The following SMAD1 variants were observed in gnomAD, a reference collection of about 807,000 sequenced individuals.
The protein encoded by SMAD1 is SMAD family member 1, also known as MAD, mothers against decapentaplegic homolog 1.
In SMAD1, 6 loss-of-function variants were observed where a neutral mutation model predicts 41.6. The ratio of observed to expected loss-of-function variants is 0.14; its 90% CI spans 0.08 to 0.28. SMAD1 has a LOEUF of 0.28. Ranked by LOEUF, SMAD1 falls within the 10% of genes least tolerant of loss-of-function variation. SMAD1 has a pLI of 1.00. For synonymous variants in SMAD1, 206 were observed against 203.2 expected, an observed-to-expected ratio of 1.01 and a Z score of -0.12; for missense variants, 379 against 582.6, an observed-to-expected ratio of 0.65 and a Z score of 3.60.
chr4:145,539,038 A>G (rs1731776455), intron 2 of SMAD1, among the ~76,000 whole-genome samples: 2 of 152,226 alleles, frequency 1.3e-5, no homozygotes, highest in African/African-American at 4.8e-5. Flanking sequence ...GCTTCTCAAC[A>G]GGTGCCTACC....
intron 1 of SMAD1, among the ~76,000 whole-genome samples, chr4:145,496,173 A>G (rs1408730011): frequency 1.3e-5 from 2 of 152,106 alleles, no homozygotes; most frequent in South Asian, 2.1e-4. Flanking sequence ...AAGCAATAGC[A>G]AAAACAAGAA....
intron 5 of SMAD1, among the ~76,000 whole-genome samples, chr4:145,547,223 T>C (rs1296980982): frequency 6.6e-6 from 1 of 152,230 alleles, no homozygotes; most frequent in Non-Finnish European, 1.5e-5. Flanking sequence ...ATAAAATGAA[T>C]CACAACCTAA....
At chr4:145,509,757 C>T (rs1729977915) in intron 1 of SMAD1, among the ~76,000 whole-genome samples, 1 of 152,096 alleles carries the variant, frequency 6.6e-6, no homozygotes, top group Non-Finnish European at 1.5e-5. Flanking sequence ...TTGATAATAG[C>T]ATAGTTTTGT....
chr4:145,528,913 A>G (rs1048474831), intron 2 of SMAD1, among the ~76,000 whole-genome samples: 22 of 152,164 alleles, frequency 1.4e-4, no homozygotes, highest in African/African-American at 5.1e-4. Flanking sequence ...CTCATTCTCT[A>G]TATCTCATTT....
intron 3 of SMAD1, among the ~76,000 whole-genome samples, chr4:145,540,430 G>A (rs116609482): frequency 1.1e-3 from 161 of 152,264 alleles, no homozygotes; most frequent in African/African-American, 3.7e-3. Context: ...AATCAGCATC[G>A]TTTTCATACA....
chr4:145,508,297 G>A (rs949223030), intron 1 of SMAD1, among the ~76,000 whole-genome samples: 10 of 152,006 alleles, frequency 6.6e-5, no homozygotes, highest in African/African-American at 2.4e-4. Context: ...TCTATCATGT[G>A]TCTGTTGGAA....
chr4:145,516,408 T>A (rs981797341), intron 2 of SMAD1, among the ~76,000 whole-genome samples: 1 of 152,230 alleles, frequency 6.6e-6, no homozygotes, highest in Admixed American at 6.5e-5. Flanking sequence ...GTTGATTTCA[T>A]TTGGGGAAGA....
chr4:145,556,454 T>G (rs1262012035), intron 6 of SMAD1, among the ~76,000 whole-genome samples: 1 of 152,144 alleles, frequency 6.6e-6, no homozygotes, highest in African/African-American at 2.4e-5. Flanking sequence ...TTTTCTTTTT[T>G]CTTCTTTTTT....
In SMAD1 at chr4:145,534,667, G is replaced by A. The variant is rs114063653; in HGVS notation, c.401-5137G>A. On this transcript the variant is annotated intron_variant, in intron 2 of 6. Coordinates refer to ENST00000302085, the MANE Select transcript of SMAD1 (RefSeq NM_005900.3). ...CAACTCCAATCACTGGGTCAAAGAT[G>A]GGCTTTTAATGAATGGTGTTGGGGT... Among the ~76,000 whole-genome samples the A allele has an allele frequency of 2.1e-3, 320 of 152,260 alleles. 1 individual carries two copies. Among genetic ancestry groups the A allele is most frequent in the African/African-American group, 7.5e-3 (310 of 41,538 alleles).
chr4:145,543,839 G>A (rs1732089822), intron 4 of SMAD1, among the ~76,000 whole-genome samples: 1 of 152,174 alleles, frequency 6.6e-6, no homozygotes, highest in Non-Finnish European at 1.5e-5. Flanking sequence ...CTCAACACAT[G>A]GCATGGGTCA....
upstream of SMAD1, chr4:145,481,443 G>T: frequency 6.6e-6 from 1 of 152,322 alleles, no homozygotes. Context: ...ACGATTCAGT[G>T]GGCGCGGTGG....
chr4:145,537,270 C>T (rs1022927227), intron 2 of SMAD1, among the ~76,000 whole-genome samples: 2 of 151,896 alleles, frequency 1.3e-5, no homozygotes, highest in African/African-American at 4.8e-5. Flanking sequence ...GTTAATGTTC[C>T]TTTTGGGAGT....
chr4:145,513,049 G>T (rs1730173986), intron 1 of SMAD1, among the ~76,000 whole-genome samples: 1 of 152,154 alleles, frequency 6.6e-6, no homozygotes, highest in Admixed American at 6.5e-5. Context: ...TCCATTTGTT[G>T]CTGTGTTGTT....
intron 1 of SMAD1, chr4:145,497,505 C>A (rs567185516): frequency 6.6e-6 from 1 of 152,240 alleles, no homozygotes; most frequent in African/African-American, 2.4e-5. Context: ...TCTACTGCAC[C>A]TTTATGTTGG....
intron 2 of SMAD1, among the ~76,000 whole-genome samples, chr4:145,537,813 T>A (rs1362453889): frequency 6.6e-6 from 1 of 152,184 alleles, no homozygotes; most frequent in Non-Finnish European, 1.5e-5. Context: ...TAGGAACAAG[T>A]AAGTCCCCAG....
intron 3 of SMAD1, among the ~76,000 whole-genome samples, chr4:145,540,536 A>G (rs533842147): frequency 6.6e-6 from 1 of 152,348 alleles, no homozygotes; most frequent in African/African-American, 2.4e-5. Flanking sequence ...TGATGATGTA[A>G]TCCCAAGAAA....
At chr4:145,548,450 C>G (rs572688138) in intron 5 of SMAD1, among the ~76,000 whole-genome samples, 2 of 152,008 alleles carry the variant, frequency 1.3e-5, no homozygotes, top group African/African-American at 4.8e-5. Context: ...AGGCTGGTCT[C>G]GAACTAACCT....
chr4:145,505,509 C>T (rs1729717878), intron 1 of SMAD1, among the ~76,000 whole-genome samples: 1 of 151,878 alleles, frequency 6.6e-6, no homozygotes. Context: ...GTCCTAGCTG[C>T]TCCGGAGGCT....
At chr4:145,550,489 G>A (rs1732496267) in intron 5 of SMAD1, among the ~76,000 whole-genome samples, 2 of 151,936 alleles carry the variant, frequency 1.3e-5, no homozygotes, top group African/African-American at 4.8e-5. Context: ...CTCCAGCCTG[G>A]GTGACAGAGA....
Sources: gnomAD v4.1 joint callset for allele counts (sites outside exome capture counted in the v4.1 genomes callset) on GRCh38, gnomAD v4.1.1 for gene constraint, MANE v1.5 for transcripts, NCBI Gene and HGNC (gene_info 2026-07-23, HGNC 2026-07-21) for gene names.